The following OTOGL variants were observed in gnomAD, a reference collection of about 807,000 sequenced individuals.
The protein encoded by OTOGL is otogelin like, also known as otogelin-like protein.
OTOGL carries 285 observed loss-of-function variants against 318.5 expected under a neutral mutation model. The observed-to-expected ratio is 0.89, with a 90% CI of 0.81 to 0.99. OTOGL has a LOEUF of 0.99. OTOGL is among the 50% of genes least tolerant of loss of function. The pLI, the probability that OTOGL is intolerant of heterozygous loss-of-function variation, is 0.00. For synonymous variants in OTOGL, 987 were observed against 936.5 expected (o/e 1.05, Z -0.99); for missense variants, 2,899 against 2,845.6 (o/e 1.02, Z -0.43).
intron 1 of OTOGL, among the ~76,000 whole-genome samples, chr12:80,171,784 A>G (rs1874221248): frequency 6.6e-6 from 1 of 152,190 alleles, no homozygotes; most frequent in Non-Finnish European, 1.5e-5. Context: ...TTTCTAGTCC[A>G]TGAACACTAG....
In OTOGL at chr12:80,323,830, T is replaced by C; in HGVS notation, c.4189T>C (p.Phe1397Leu). The C allele has an allele frequency of 1.9e-6, 3 of 1,609,556 alleles. No individual in the cohort carries two copies. The highest frequency in any genetic ancestry group is 2.6e-6 in the Non-Finnish European group (3 of 1,175,926). The part of the protein sequence containing the change: ...CSDPEALACK[F>L]LPPVEGCLPY... ...TGACCCTGAAGCACTAGCATGTAAA[T>C]TTCTTCCACCGTAAGTAACGTTTAC... Residue 1397 changes from phenylalanine to leucine, a missense_variant, in exon 35 of 59, where the codon TTT becomes CTT. By Grantham distance (22) the Phe-to-Leu change is conservative (BLOSUM62 0). Transcript: ENST00000547103.
rs775896067 is a variant in OTOGL, at chr12:80,265,148, A to G, written c.2162A>G (p.Tyr721Cys). 6 of 1,613,766 alleles carry G rather than the reference A, an allele frequency of 3.7e-6. No homozygotes were observed. The highest frequency in any genetic ancestry group is 1.7e-5 in the Admixed American group (1 of 59,900). The change falls in exon 20 of 59, where the codon TAT becomes TGT. Residue 721 changes from tyrosine (Y) to cysteine (C), a missense_variant. Physicochemically the swap from Tyr to Cys is radical, Grantham distance 194. Coordinates refer to ENST00000547103, the MANE Select transcript of OTOGL (RefSeq NM_001378609.3). Reference protein sequence around the residue: ...SSCLCNALAHYAYLCGQHGVP... With the variant: ...SSCLCNALAHCAYLCGQHGVP... ...TGCCTGTGCAATGCTCTTGCCCACT[A>G]TGCCTACCTCTGCGGCCAGCACGGT...
rs751895144 is a variant in OTOGL, at chr12:80,355,796, A to G, written c.5654A>G (p.Asp1885Gly). Residue 1885 changes from aspartate to glycine, a missense_variant, in exon 47 of 59, where the codon GAT becomes GGT. Physicochemically the swap from Asp to Gly is moderately conservative, Grantham distance 94 (BLOSUM62 -1). Around this residue, in one of 3 missense-constraint regions of OTOGL, gnomAD observed 2,607 missense variants for 2,524.9 expected, o/e 1.03. Coordinates refer to ENST00000547103, the MANE Select transcript of OTOGL (RefSeq NM_001378609.3). ...TAGEIWNGGI[D>G]ECTLYKCLEN... ...GGGGAGATTTGGAATGGGGGCATTG[A>G]TGAATGCACTCTATACAAATGTTTG... is the stretch of plus-strand genomic sequence containing the variant. 5 of 1,613,874 alleles carry G rather than the reference A, an allele frequency of 3.1e-6. No individual in the cohort carries two copies. Among genetic ancestry groups the G allele is most frequent in the Non-Finnish European group, 4.2e-6 (5 of 1,179,814 alleles).
At chr12:80,331,128 A>G (rs1351062440) in intron 37 of OTOGL, among the ~76,000 whole-genome samples, 2 of 152,190 alleles carry the variant, frequency 1.3e-5, no homozygotes, top group East Asian at 3.8e-4. Context: ...ATATGGAAGT[A>G]CAAGGAACCT....
chr12:80,344,377 T>C (rs1207048964), intron 44 of OTOGL, among the ~76,000 whole-genome samples: 1 of 152,158 alleles, frequency 6.6e-6, no homozygotes, highest in Non-Finnish European at 1.5e-5. Context: ...CCTTATAATC[T>C]TCCAGTATAC....
Position 80,252,199 on chromosome 12 carries a change from A to G in OTOGL, c.1283A>G (p.Asp428Gly), listed in dbSNP as rs1461391032. The stretch of plus-strand genomic sequence containing the variant: ...TGTCTTGATGGATGTTACTGCCCAG[A>G]TGGTAAGTGCTTCATGAAGAAACCA... ...LHCLDGCYCPDGLVMDNGTCI... is the reference protein window; with the variant it reads ...LHCLDGCYCPGGLVMDNGTCI... Residue 428 changes from aspartate (D) to glycine (G), a missense_variant and splice_region_variant, in exon 13 of 59, where the codon GAT becomes GGT. This residue lies in a region of OTOGL where 2,607 missense variants were observed against 2,524.9 expected (regional missense o/e 1.03). Coordinates refer to ENST00000547103, the MANE Select transcript of OTOGL (RefSeq NM_001378609.3). 1 of 1,598,504 alleles carries G rather than the reference A, an allele frequency of 6.3e-7. No homozygotes were observed. The highest frequency in any genetic ancestry group is 2.2e-5 in the East Asian group (1 of 44,480).
chr12:80,308,745 A>T (rs1420667254), intron 29 of OTOGL, among the ~76,000 whole-genome samples: 1 of 152,176 alleles, frequency 6.6e-6, no homozygotes, highest in East Asian at 1.9e-4. Context: ...CTGGCGGATC[A>T]CTCGCGGTTA....
chr12:80,218,321 T>C (rs1592560226), intron 5 of OTOGL, among the ~76,000 whole-genome samples: 2 of 152,360 alleles, frequency 1.3e-5, no homozygotes, highest in Admixed American at 6.5e-5. Context: ...GCATATTTTT[T>C]CCTCACTGAA....
In OTOGL at chr12:80,368,294, A is replaced by C; in HGVS notation, c.6600A>C (p.Thr2200=). ...VSCKFHMENG[T]SVVYAVGSTW... ...GCAAATTTCACATGGAAAATGGAACATCAGTTGTATACGCGGTATGTTTCA... is the reference window on the plus strand; with the variant it reads ...GCAAATTTCACATGGAAAATGGAACCTCAGTTGTATACGCGGTATGTTTCA... Residue 2200 remains threonine (T), a synonymous_variant, in exon 55 of 59, where the codon ACA becomes ACC. Transcript: ENST00000547103. 1 of 1,588,832 alleles carries C rather than the reference A, an allele frequency of 6.3e-7. No individual in the cohort carries two copies. Among genetic ancestry groups the C allele is most frequent in the Non-Finnish European group, 8.6e-7 (1 of 1,163,616 alleles).
chr12:80,140,969 A>C (rs551221294), intron 1 of OTOGL, among the ~76,000 whole-genome samples: 19 of 152,172 alleles, frequency 1.2e-4, no homozygotes, highest in African/African-American at 4.6e-4. Flanking sequence ...ATACCTTCAG[A>C]AAAGTAGTGA....
chr12:80,278,990 G>GTGT, intron 25 of OTOGL, 38 bp from the exon 26 acceptor site: 1 of 1,582,560 alleles, frequency 6.3e-7, no homozygotes. Context: ...AGTTAGAGTC[G>GTGT]TTTCTTTAGA....
intron 1 of OTOGL, among the ~76,000 whole-genome samples, chr12:80,194,438 A>C (rs1455936285): frequency 6.6e-6 from 1 of 152,214 alleles, no homozygotes; most frequent in Admixed American, 6.5e-5. Flanking sequence ...TTGCAAATTT[A>C]AATCACCCAA....
At chr12:80,348,679 A>G (rs1026383318) in intron 44 of OTOGL, among the ~76,000 whole-genome samples, 6 of 152,102 alleles carry the variant, frequency 3.9e-5, no homozygotes, top group East Asian at 1.9e-4. Context: ...AGGGCTGTCA[A>G]TGTCCTCTAT....
rs976735242 is a variant in OTOGL at position 80,378,205 on chromosome 12, A to T, written c.*157A>T. Reference sequence around the variant, plus strand: ...ATTTAGCAATTTGTACAAAATATATACAGTTTCAATAGCAAAATTAAATTT... The same window carrying T: ...ATTTAGCAATTTGTACAAAATATATTCAGTTTCAATAGCAAAATTAAATTT... On this transcript the variant is annotated 3_prime_UTR_variant, in exon 59 of 59. Coordinates refer to ENST00000547103, the MANE Select transcript of OTOGL (RefSeq NM_001378609.3). The T allele has an allele frequency of 1.4e-4, 80 of 572,830 alleles. 1 individual carries two copies. Among genetic ancestry groups the T allele is most frequent in the Non-Finnish European group, 1.1e-4 (37 of 333,780 alleles). The allele number at this position is 572,830 out of a possible 1,614,324, so 35.5% of individuals were successfully genotyped here.
At position 80,270,084 on chromosome 12, in the gene OTOGL, C is replaced by G. The variant is rs1883293953; in HGVS notation, c.2466-18C>G. ...CAACAGATTTGGTTCCATAAATTAACTATTTATTTACTTCTAGCCAGTGTT... is the reference window on the plus strand; with the variant it reads ...CAACAGATTTGGTTCCATAAATTAAGTATTTATTTACTTCTAGCCAGTGTT... On this transcript the variant is annotated intron_variant, in intron 22 of 58. Transcript: ENST00000547103. The G allele has an allele frequency of 6.5e-7, 1 of 1,542,346 alleles. No individual in the cohort carries two copies. Among genetic ancestry groups the G allele is most frequent in the South Asian group, 1.2e-5 (1 of 83,898 alleles).
chr12:80,361,165 C>T (rs1458861939), intron 52 of OTOGL: 1 of 148,348 alleles, frequency 6.7e-6, no homozygotes, highest in Non-Finnish European at 1.5e-5. Flanking sequence ...CTGGTAACCA[C>T]CATTATACTC....
Position 80,282,437 on chromosome 12 carries a change from C to T in OTOGL, c.2928+3271C>T, listed in dbSNP as rs149137657. ...TTCCTGTTGGTACTTGTCTTGTCTT[C>T]CTTTATGAATGGTTTTAAGTTTCTT... On this transcript the variant is annotated intron_variant, in intron 26 of 58. Coordinates refer to ENST00000547103, the MANE Select transcript of OTOGL (RefSeq NM_001378609.3). Among the ~76,000 whole-genome samples, 6 of 151,666 alleles carry T rather than the reference C, an allele frequency of 4.0e-5. No individual in the cohort carries two copies. The East Asian group carries it at 9.7e-4, about 25-fold the overall frequency.
intron 26 of OTOGL, among the ~76,000 whole-genome samples, chr12:80,294,603 A>G (rs1042886469): frequency 3.3e-5 from 5 of 152,208 alleles, no homozygotes; most frequent in Admixed American, 1.3e-4. Flanking sequence ...CCCAGCATCT[A>G]TGAAGGAAAA....
intron 24 of OTOGL, among the ~76,000 whole-genome samples, chr12:80,274,232 A>C (rs911446181): frequency 2.0e-5 from 3 of 152,068 alleles, no homozygotes; most frequent in Admixed American, 1.3e-4. Flanking sequence ...CAGTTAGCCA[A>C]ATTGTGAATG....
Sources: gnomAD v4.1 joint callset for allele counts (sites outside exome capture counted in the v4.1 genomes callset) on GRCh38, gnomAD v4.1.1 for gene constraint, gnomAD v4.1.1 regional missense constraint, MANE v1.5 for transcripts, NCBI Gene and HGNC (gene_info 2026-07-23, HGNC 2026-07-21) for gene names.